Variants in ZNF560 observed in about 807,000 individuals in gnomAD.
ZNF560 encodes the protein zinc finger protein 560.
ZNF560 carries 54 observed loss-of-function variants against 81.8 expected under a neutral mutation model. That is an observed-to-expected ratio of 0.66 (90% CI 0.53 to 0.83). ZNF560 has a LOEUF of 0.83. Ranked by LOEUF, ZNF560 falls within the 40% of genes least tolerant of loss-of-function variation. The pLI is 0.00. For missense variants in ZNF560, 940 were observed against 932.4 expected, an observed-to-expected ratio of 1.01 and a Z score of -0.11; for synonymous variants, 321 against 317.9, an observed-to-expected ratio of 1.01 and a Z score of -0.10.
intron 2 of ZNF560, among the ~76,000 whole-genome samples, chr19:9,486,426 A>C (rs2073385377): frequency 1.3e-5 from 2 of 152,204 alleles, no homozygotes; most frequent in Admixed American, 1.3e-4. Context: ...TAAAGAATAA[A>C]TCATAAGTGT....
In ZNF560 at chr19:9,483,532, G is replaced by A. The variant is rs575183327; in HGVS notation, c.-56-8163C>T. On this transcript the variant is annotated intron_variant, in intron 2 of 9. Coordinates refer to ENST00000301480, the MANE Select transcript of ZNF560 (RefSeq NM_152476.3). ...GGCCAGCCGCCCCGTCCGGGAGGGG[G>A]GTGGGGGGTCAGCCCCCGCCCGGCC... is the stretch of plus-strand genomic sequence containing the variant. Among the ~76,000 whole-genome samples the A allele has an allele frequency of 9.8e-3, 1,464 of 149,464 alleles. 28 individuals carry two copies. The highest frequency in any genetic ancestry group is 0.033 in the African/African-American group (1,353 of 40,514).
chr19:9,501,871 G>T (rs1027000331), upstream of ZNF560, among the ~76,000 whole-genome samples: 4 of 151,922 alleles, frequency 2.6e-5, no homozygotes, highest in African/African-American at 9.7e-5. Flanking sequence ...TGTTCTCTCT[G>T]GCCAGGCACA....
the ZNF560 span, among the ~76,000 whole-genome samples, chr19:9,460,140 T>C: frequency 1.3e-5 from 2 of 152,138 alleles, no homozygotes; most frequent in Admixed American, 6.5e-5. Flanking sequence ...AAAGCCCTAC[T>C]ATGAGCCAGA....
downstream of ZNF560, among the ~76,000 whole-genome samples, chr19:9,464,094 A>AT (rs1488346688): frequency 6.6e-6 from 1 of 152,212 alleles, no homozygotes; most frequent in Non-Finnish European, 1.5e-5. Context: ...TGTACATGAT[A>AT]TAACAGAAAT....
the ZNF560 span, among the ~76,000 whole-genome samples, chr19:9,459,373 A>G: frequency 6.6e-6 from 1 of 152,244 alleles, no homozygotes; most frequent in African/African-American, 2.4e-5. Flanking sequence ...CCCAATAACA[A>G]AAGATTGGGA....
At chr19:9,453,596 T>A in the ZNF560 span, among the ~76,000 whole-genome samples, 3 of 151,960 alleles carry the variant, frequency 2.0e-5, no homozygotes, top group Non-Finnish European at 2.9e-5. Context: ...TAAAAACAAC[T>A]CTTGCCAAAA....
At position 9,467,469 on chromosome 19, in the gene ZNF560, C is replaced by T. The variant is rs1332111796; in HGVS notation, c.1478G>A (p.Cys493Tyr). Residue 493 changes from cysteine to tyrosine, a missense_variant, in exon 10 of 10, where the codon TGT becomes TAT. Physicochemically the swap from Cys to Tyr is radical, Grantham distance 194. Transcript: ENST00000301480. ...TGQKRFDCDQ[C>Y]GKVFVSFSSL... ...TGAGAAAGAAACAAAGACTTTCCCA[C>T]ACTGGTCACAATCAAAGCGTTTCTG... is the stretch of plus-strand genomic sequence containing the variant. 1 of 1,614,132 alleles carries T rather than the reference C, an allele frequency of 6.2e-7. No homozygotes were observed. Among genetic ancestry groups the T allele is most frequent in the Admixed American group, 1.7e-5 (1 of 60,010 alleles).
intron 7 of ZNF560, among the ~76,000 whole-genome samples, chr19:9,470,121 A>G (rs980078525): frequency 6.6e-6 from 1 of 152,166 alleles, no homozygotes; most frequent in African/African-American, 2.4e-5. Flanking sequence ...CCAACAGCAG[A>G]CTTTTTGATT....
At chr19:9,496,209 G>C (rs535213491) in intron 2 of ZNF560, among the ~76,000 whole-genome samples, 1 of 152,036 alleles carries the variant, frequency 6.6e-6, no homozygotes, top group South Asian at 2.1e-4. Context: ...TGCAAGGGAT[G>C]GTGGCTCATG....
intron 6 of ZNF560, among the ~76,000 whole-genome samples, chr19:9,471,082 G>T (rs1236260213): frequency 6.6e-6 from 1 of 152,114 alleles, no homozygotes; most frequent in East Asian, 1.9e-4. Flanking sequence ...ATGAGTCTTT[G>T]TTGATATCAT....
downstream of ZNF560, among the ~76,000 whole-genome samples, chr19:9,463,875 G>T (rs1185084206): frequency 1.3e-5 from 2 of 152,094 alleles, no homozygotes; most frequent in African/African-American, 4.8e-5. Context: ...TAGAGATAGG[G>T]TTTTGCCATG....
the ZNF560 span, among the ~76,000 whole-genome samples, chr19:9,456,418 A>T: frequency 2.0e-5 from 3 of 152,314 alleles, no homozygotes; most frequent in South Asian, 6.2e-4. Context: ...GGGAGAGCGT[A>T]TAGGGCAGCT....
At chr19:9,446,749 TAGG>T in the ZNF560 span, among the ~76,000 whole-genome samples, 21 of 152,310 alleles carry the variant, frequency 1.4e-4, no homozygotes, top group Admixed American at 1.1e-3. Flanking sequence ...AGAATATTCC[TAGG>T]AGAACTTGAT....
chr19:9,465,818 C>A (rs2073005651), downstream of ZNF560, among the ~76,000 whole-genome samples: 1 of 152,088 alleles, frequency 6.6e-6, no homozygotes, highest in South Asian at 2.1e-4. Context: ...AATGTTGAAA[C>A]CCCGTCTCTA....
chr19:9,459,486 T>C, the ZNF560 span, among the ~76,000 whole-genome samples: 1 of 152,042 alleles, frequency 6.6e-6, no homozygotes, highest in African/African-American at 2.4e-5. Context: ...AGCCCTACTA[T>C]GTTGGGGTGA....
chr19:9,467,342 C>T lies in ZNF560; in HGVS notation c.1605G>A (p.Met535Ile). Reference protein sequence around the residue: ...FTSSACLRIHMRTHTEERLYQ... With the variant: ...FTSSACLRIHIRTHTEERLYQ... ...AGAGTCTCTCTTCTGTGTGAGTTCGCATGTGAATACGAAGACAGGCAGAAG... is the reference window on the plus strand; with the variant it reads ...AGAGTCTCTCTTCTGTGTGAGTTCGTATGTGAATACGAAGACAGGCAGAAG... The change falls in exon 10 of 10, where the codon ATG becomes ATA. Residue 535 changes from methionine to isoleucine, a missense_variant. By Grantham distance (10) the Met-to-Ile change is conservative. Transcript: ENST00000301480. The T allele has an allele frequency of 1.2e-6, 2 of 1,614,014 alleles. No homozygotes were observed. The highest frequency in any genetic ancestry group is 1.7e-6 in the Non-Finnish European group (2 of 1,179,992).
Position 9,470,405 on chromosome 19 carries a change from G to A in ZNF560, c.435C>T (p.Asn145=). 6.2e-7 allele frequency: 1 copy of A among 1,612,648 alleles called. No individual in the cohort carries two copies. The highest frequency in any genetic ancestry group is 8.5e-7 in the Non-Finnish European group (1 of 1,179,276). The stretch of plus-strand genomic sequence containing the variant: ...TGCCAGACTTACCTACTGAGGACAG[G>A]TTCTTGTAGTTCTCCAGCATCACAT... ...YSDVMLENYK[N]LSSVGYQLFK... The change falls in exon 7 of 10, where the codon AAC becomes AAT. Residue 145 remains asparagine (N), a synonymous_variant. Coordinates refer to ENST00000301480, the MANE Select transcript of ZNF560 (RefSeq NM_152476.3).
upstream of ZNF560, among the ~76,000 whole-genome samples, chr19:9,499,455 G>A (rs542565808): frequency 1.6e-4 from 24 of 152,296 alleles, no homozygotes; most frequent in Middle Eastern, 3.4e-3. Flanking sequence ...CTGCACTCCC[G>A]AAGTGGGATT....
chr19:9,461,627 A>T (rs2072932589), downstream of ZNF560, among the ~76,000 whole-genome samples: 1 of 152,176 alleles, frequency 6.6e-6, no homozygotes, highest in African/African-American at 2.4e-5. Context: ...AGACCAAAAG[A>T]TAGTTAATCA....
Sources: gnomAD v4.1 joint callset for allele counts (sites outside exome capture counted in the v4.1 genomes callset) on GRCh38, gnomAD v4.1.1 for gene constraint, MANE v1.5 for transcripts, NCBI Gene and HGNC (gene_info 2026-07-23, HGNC 2026-07-21) for gene names.